Variants in PZP observed in about 807,000 individuals in gnomAD.
PZP encodes the protein PZP alpha-2-macroglobulin like, also known as pregnancy zone protein.
A neutral mutation model predicts 179.8 loss-of-function variants in PZP; 150 were observed. The observed-to-expected ratio is 0.83, with a 90% CI of 0.73 to 0.96. The LOEUF (loss-of-function observed/expected upper bound fraction) is 0.96. Ranked by LOEUF, PZP falls within the 40% of genes least tolerant of loss-of-function variation. The pLI is 0.00. For missense variants in PZP, 1,689 were observed against 1,764.0 expected (o/e 0.96, Z 0.76); for synonymous variants, 624 against 652.3 (o/e 0.96, Z 0.66).
rs1942800232 is a variant in PZP at position 9,182,095 on chromosome 12, G to A, written c.1569C>T (p.Ser523=). 1.9e-6 allele frequency: 3 copies of A among 1,601,748 alleles called. No individual in the cohort carries two copies. Among genetic ancestry groups the A allele is most frequent in the Non-Finnish European group, 2.6e-6 (3 of 1,174,636 alleles). ...SGDMKGSFAL[S]FPVESDVAPI... ...GGGCAACGTCTGACTCCACAGGGAA[G>A]GATAAGGCAAAACTGCCTTTCACTG... is the stretch of plus-strand genomic sequence containing the variant. The change falls in exon 14 of 36, where the codon TCC becomes TCT. Residue 523 remains serine, a synonymous_variant. Coordinates refer to ENST00000261336, the MANE Select transcript of PZP (RefSeq NM_002864.3).
At chr12:9,199,052 A>G (rs2889718) in intron 7 of PZP, among the ~76,000 whole-genome samples, 139,245 of 152,174 alleles carry the variant, frequency 0.92, 63,866 homozygotes, top group East Asian at 1. Flanking sequence ...GGAAAGGAAC[A>G]TCATAGGTAA....
rs1943816911 is a variant in PZP, at chr12:9,197,036, C to T, written c.843G>A (p.Glu281=). 3.1e-6 allele frequency: 5 copies of T among 1,613,016 alleles called. No homozygotes were observed. Among genetic ancestry groups the T allele is most frequent in the Admixed American group, 3.3e-5 (2 of 59,958 alleles). The change falls in exon 8 of 36, where the codon GAG becomes GAA. Residue 281 remains glutamate, a synonymous_variant. Coordinates refer to ENST00000261336, the MANE Select transcript of PZP (RefSeq NM_002864.3). Reference sequence around the variant, plus strand: ...CCTGTTGACTGAATTCCTCACAGACCTCCTGCTTGTCACAATTAAGAACAC... The same window carrying T: ...CCTGTTGACTGAATTCCTCACAGACTTCCTGCTTGTCACAATTAAGAACAC... ...LSRVLNCDKQ[E]VCEEFSQQLN...
intron 15 of PZP, 61 bp from the exon 16 acceptor site, chr12:9,169,652 A>C: frequency 7.1e-7 from 1 of 1,404,610 alleles, no homozygotes; most frequent in East Asian, 2.5e-5. Flanking sequence ...AAATAGAATG[A>C]ACTGAGAGAA....
At chr12:9,188,786 G>A (rs1434453297) in intron 13 of PZP, among the ~76,000 whole-genome samples, 1 of 152,100 alleles carries the variant, frequency 6.6e-6, no homozygotes, top group African/African-American at 2.4e-5. Flanking sequence ...AATTGTCACA[G>A]AAAGAATAAA....
intron 13 of PZP, among the ~76,000 whole-genome samples, chr12:9,188,748 A>C (rs1386214525): frequency 6.6e-6 from 1 of 152,248 alleles, no homozygotes; most frequent in Middle Eastern, 3.2e-3. Flanking sequence ...CCAAAAGCCA[A>C]ATCAGGAATG....
chr12:9,155,955 G>C (rs6487636), intron 28 of PZP: 139,897 of 161,278 alleles, frequency 0.87, 61,587 homozygotes, highest in East Asian at 0.96. Flanking sequence ...AGCAGAGGCA[G>C]CATGCCATAT....
chr12:9,197,596 AAAT>A (rs1428670525), intron 7 of PZP, among the ~76,000 whole-genome samples: 1 of 59,438 alleles, frequency 1.7e-5, no homozygotes, highest in African/African-American at 6.2e-5. Context: ...TATAATATAT[AAAT>A]ATAATATATA....
chr12:9,198,628 G>A (rs1029751966), intron 7 of PZP, among the ~76,000 whole-genome samples: 4 of 152,162 alleles, frequency 2.6e-5, no homozygotes, highest in African/African-American at 4.8e-5. Context: ...GTGGGGTTAT[G>A]TGTGTGTGCA....
chr12:9,162,597 C>A lies in PZP; in HGVS notation c.2788G>T (p.Gly930Cys). The A allele has an allele frequency of 6.3e-7, 1 of 1,582,850 alleles. No homozygotes were observed. The highest frequency in any genetic ancestry group is 2.2e-5 in the East Asian group (1 of 44,654). ...KTFSSMTCAS[G>C]ANVSEQLSLK... ...TATGATTATGAAGATGGACTCTTAC[C>A]TGAGGCACAGGTCATAGAACTGAAA... The change falls in exon 22 of 36, where the codon GGT (glycine) becomes TGT (cysteine). Residue 930 changes from glycine (G) to cysteine (C), a missense_variant and splice_region_variant. Gly to Cys is a radical substitution (Grantham distance 159, BLOSUM62 -3). Coordinates refer to ENST00000261336, the MANE Select transcript of PZP (RefSeq NM_002864.3).
At chr12:9,145,892 T>G (rs1247011013), downstream of PZP, among the ~76,000 whole-genome samples, 1 of 152,216 alleles carries the variant, frequency 6.6e-6, no homozygotes, top group African/African-American at 2.4e-5. Flanking sequence ...AAATTTCTGC[T>G]GAAAAACCAG....
At chr12:9,196,823 C>A in intron 8 of PZP, 138 bp from the exon 9 acceptor site, 1 of 788,948 alleles carries the variant, frequency 1.3e-6, no homozygotes, top group East Asian at 2.6e-5. Context: ...ACTTAATACT[C>A]ATATCTGCTT....
intron 10 of PZP, among the ~76,000 whole-genome samples, chr12:9,194,887 G>A (rs1943679785): frequency 6.6e-6 from 1 of 152,140 alleles, no homozygotes; most frequent in Non-Finnish European, 1.5e-5. Flanking sequence ...TAGAATGCTT[G>A]GCTGTGTTCT....
intron 13 of PZP, among the ~76,000 whole-genome samples, chr12:9,188,589 G>A (rs1456561316): frequency 2.0e-5 from 3 of 152,214 alleles, no homozygotes; most frequent in Non-Finnish European, 4.4e-5. Context: ...AACTATCCCT[G>A]TTTGCAGACG....
At chr12:9,175,327 A>G (rs191406614) in intron 15 of PZP, among the ~76,000 whole-genome samples, 4 of 152,372 alleles carry the variant, frequency 2.6e-5, no homozygotes, top group Admixed American at 2.6e-4. Flanking sequence ...TGAATTAAAT[A>G]CTTAAATGTG....
chr12:9,203,996 A>AAGCG (rs1385090190), intron 1 of PZP, 45 bp from the exon 2 acceptor site: 1 of 1,511,070 alleles, frequency 6.6e-7, no homozygotes, highest in Non-Finnish European at 9.1e-7. Context: ...TGATGATAGT[A>AAGCG]AGCGTTTTCA....
chr12:9,197,015 T>C lies in PZP; in HGVS notation c.864A>G (p.Gln288=), dbSNP rs1943815895. ...AGGGAGAATACCGCCTACTAACCTG[T>C]TGACTGAATTCCTCACAGACCTCCT... ...DKQEVCEEFS[Q]QLNSNGCITQ... Residue 288 remains glutamine, a synonymous_variant, in exon 8 of 36, where the codon CAA becomes CAG. Transcript: ENST00000261336. 2 of 1,602,466 alleles carry C rather than the reference T, an allele frequency of 1.2e-6. No homozygotes were observed. The highest frequency in any genetic ancestry group is 1.1e-5 in the South Asian group (1 of 90,780).
At position 9,200,960 on chromosome 12, in the gene PZP, GA is replaced by G. The variant is rs776582409; in HGVS notation, c.601del (p.Ser201ProfsTer37). On this transcript the variant is annotated frameshift_variant, in exon 6 of 36. Coordinates refer to ENST00000261336, the MANE Select transcript of PZP (RefSeq NM_002864.3). LOFTEE classifies it high-confidence loss of function. ...TTCTGTCTGTACCACCACCCTGTAG[GA>G]GCCCTGAATGGGCTCTGATGAGAGG... ...FPLSSEPIQG[S>X]YRVVVQTESG... 1 of 1,614,090 alleles carries G rather than the reference GA, an allele frequency of 6.2e-7. No homozygotes were observed. The highest frequency in any genetic ancestry group is 8.5e-7 in the Non-Finnish European group (1 of 1,179,972).
At chr12:9,171,941 TC>T (rs1208639031) in intron 15 of PZP, among the ~76,000 whole-genome samples, 2 of 152,132 alleles carry the variant, frequency 1.3e-5, no homozygotes, top group African/African-American at 4.8e-5. Context: ...CAGGAGAACT[TC>T]CCCAACCTAG....
In PZP at chr12:9,153,227, T is replaced by C. The variant is rs775775025; in HGVS notation, c.3891A>G (p.Gln1297=). 1 of 1,614,176 alleles carries C rather than the reference T, an allele frequency of 6.2e-7. No homozygotes were observed. Among genetic ancestry groups the C allele is most frequent in the South Asian group, 1.1e-5 (1 of 91,090 alleles). ...GTAATAGGAGGTTGTTGTTGTCTACTTGGAAATTTGTAGAAAAGGTCTGTG... is the reference window on the plus strand; with the variant it reads ...GTAATAGGAGGTTGTTGTTGTCTACCTGGAAATTTGTAGAAAAGGTCTGTG... ...QDSQTFSTNF[Q]VDNNNLLLLQ... Residue 1297 remains glutamine, a synonymous_variant, in exon 30 of 36, where the codon CAA becomes CAG. Transcript: ENST00000261336.
Sources: gnomAD v4.1 joint callset for allele counts (sites outside exome capture counted in the v4.1 genomes callset) on GRCh38, gnomAD v4.1.1 for gene constraint, MANE v1.5 for transcripts, NCBI Gene and HGNC (gene_info 2026-07-23, HGNC 2026-07-21) for gene names.